The following SPOCK3 variants were observed in gnomAD, a reference collection of about 807,000 sequenced individuals.
The protein encoded by SPOCK3 is testican-3.
In SPOCK3, 30 loss-of-function variants were observed where a neutral mutation model predicts 56.6. That is an observed-to-expected ratio of 0.53 (90% CI 0.40 to 0.72). SPOCK3 has a LOEUF of 0.72. Among genes scored for constraint, SPOCK3 ranks in the 30% least tolerant of loss-of-function variants. The probability of loss-of-function intolerance (pLI) is 0.00; values close to 1 mark genes in which losing one functional copy is unlikely to be tolerated. For missense variants in SPOCK3, 527 were observed against 530.0 expected (o/e 0.99, Z 0.06); for synonymous variants, 196 against 183.3 (o/e 1.07, Z -0.56).
intron 7 of SPOCK3, among the ~76,000 whole-genome samples, chr4:166,777,372 A>C (rs552623044): frequency 2.6e-5 from 4 of 152,360 alleles, no homozygotes; most frequent in Admixed American, 1.3e-4. Flanking sequence ...CAGCATGTAC[A>C]TGTATACCAG....
intron 4 of SPOCK3, among the ~76,000 whole-genome samples, chr4:166,960,442 G>A (rs1201412421): frequency 6.6e-6 from 1 of 152,108 alleles, no homozygotes; most frequent in Non-Finnish European, 1.5e-5. Flanking sequence ...CTGAAGGATG[G>A]ATATATGTGT....
intron 9 of SPOCK3, 99 bp downstream of exon 9, chr4:166,741,898 A>G (rs1215500938): frequency 2.4e-6 from 2 of 839,536 alleles, no homozygotes; most frequent in Non-Finnish European, 3.9e-6. Context: ...AATTTAGTGC[A>G]GTCTATCTTT....
chr4:166,950,005 G>C (rs1439866263), intron 4 of SPOCK3, among the ~76,000 whole-genome samples: 6 of 150,926 alleles, frequency 4.0e-5, no homozygotes, highest in South Asian at 2.1e-4. Flanking sequence ...AGACCATCGA[G>C]ACTAGGAAGA....
intron 2 of SPOCK3, among the ~76,000 whole-genome samples, chr4:167,174,690 C>T (rs1026106988): frequency 5.6e-4 from 85 of 152,144 alleles, no homozygotes; most frequent in African/African-American, 1.9e-3. Context: ...CTAAAGCAAA[C>T]GAGAGGCCTT....
At chr4:167,190,935 G>A (rs1263371758) in intron 2 of SPOCK3, among the ~76,000 whole-genome samples, 1 of 145,268 alleles carries the variant, frequency 6.9e-6, no homozygotes, top group Non-Finnish European at 1.5e-5. Flanking sequence ...ACCATTAAGT[G>A]CATTAATTGA....
At chr4:166,873,289 C>G (rs1025528051) in intron 6 of SPOCK3, among the ~76,000 whole-genome samples, 2 of 151,660 alleles carry the variant, frequency 1.3e-5, no homozygotes, top group Non-Finnish European at 2.9e-5. Flanking sequence ...ATTTTTATGG[C>G]AATGAACTAC....
intron 5 of SPOCK3, among the ~76,000 whole-genome samples, chr4:166,907,686 G>T (rs757709735): frequency 1.3e-5 from 2 of 151,896 alleles, no homozygotes; most frequent in East Asian, 1.9e-4. Flanking sequence ...GGTTTACCTC[G>T]CAGAATATGA....
At chr4:166,850,774 G>A (rs972409846) in intron 6 of SPOCK3, among the ~76,000 whole-genome samples, 1 of 152,220 alleles carries the variant, frequency 6.6e-6, no homozygotes, top group Admixed American at 6.5e-5. Flanking sequence ...TTAAAAAACG[G>A]TGCAACAGGA....
chr4:166,765,601 A>G (rs926388209), intron 7 of SPOCK3, among the ~76,000 whole-genome samples: 1 of 152,188 alleles, frequency 6.6e-6, no homozygotes, highest in Non-Finnish European at 1.5e-5. Flanking sequence ...CTTGTAGTAT[A>G]GTATGAAGTC....
intron 5 of SPOCK3, among the ~76,000 whole-genome samples, chr4:166,909,220 G>A (rs1009684491): frequency 1.3e-5 from 2 of 152,024 alleles, no homozygotes; most frequent in African/African-American, 2.4e-5. Flanking sequence ...TTCTAAAAAC[G>A]CTGATTAACT....
chr4:167,206,888 T>A (rs1030939533), intron 2 of SPOCK3, among the ~76,000 whole-genome samples: 7 of 151,968 alleles, frequency 4.6e-5, no homozygotes, highest in Admixed American at 3.9e-4. Context: ...AAGTTACAAC[T>A]AGATAGGAGA....
chr4:166,983,119 T>A (rs1746774483), intron 4 of SPOCK3, among the ~76,000 whole-genome samples: 1 of 152,180 alleles, frequency 6.6e-6, no homozygotes. Context: ...CCACGTAGTA[T>A]TGAGTCTATA....
At chr4:167,110,342 T>G (rs1452968442) in intron 2 of SPOCK3, among the ~76,000 whole-genome samples, 5 of 151,984 alleles carry the variant, frequency 3.3e-5, no homozygotes, top group East Asian at 1.9e-4. Flanking sequence ...GAAAAAGAAA[T>G]AAATAAACTC....
chr4:167,051,348 C>T (rs1754181073), intron 3 of SPOCK3, among the ~76,000 whole-genome samples: 1 of 152,116 alleles, frequency 6.6e-6, no homozygotes, highest in Admixed American at 6.5e-5. Flanking sequence ...TATGTATGTC[C>T]AGAGTTTTTT....
At chr4:166,955,958 C>G (rs1160376462) in intron 4 of SPOCK3, among the ~76,000 whole-genome samples, 2 of 151,930 alleles carry the variant, frequency 1.3e-5, no homozygotes, top group Non-Finnish European at 2.9e-5. Context: ...TCTATAGACC[C>G]CATACTGTCA....
intron 3 of SPOCK3, among the ~76,000 whole-genome samples, chr4:167,028,038 T>C (rs929371607): frequency 3.3e-5 from 5 of 152,104 alleles, no homozygotes; most frequent in Admixed American, 3.3e-4. Context: ...TTTACCATAC[T>C]TCTGTTTTTC....
At chr4:166,925,362 G>A (rs1452138360) in intron 4 of SPOCK3, among the ~76,000 whole-genome samples, 2 of 151,942 alleles carry the variant, frequency 1.3e-5, no homozygotes, top group Non-Finnish European at 2.9e-5. Context: ...CTAAGAAATA[G>A]TAGAACTACA....
At chr4:166,960,720 A>C (rs1413999230) in intron 4 of SPOCK3, among the ~76,000 whole-genome samples, 1 of 152,228 alleles carries the variant, frequency 6.6e-6, no homozygotes, top group Non-Finnish European at 1.5e-5. Context: ...AATAGGATGA[A>C]CACTGATAAG....
chr4:166,947,029 C>A (rs527897626), intron 4 of SPOCK3, among the ~76,000 whole-genome samples: 2 of 152,250 alleles, frequency 1.3e-5, no homozygotes, highest in East Asian at 3.9e-4. Context: ...TAAAATACCA[C>A]TGAGCATTTT....
Sources: allele counts gnomAD v4.1 joint callset (sites outside exome capture counted in the v4.1 genomes callset), GRCh38; gene constraint gnomAD v4.1.1; transcripts MANE v1.5; gene names NCBI Gene and HGNC (gene_info 2026-07-23, HGNC 2026-07-21).